The following FA2H variants were observed in gnomAD, a reference collection of about 807,000 sequenced individuals.
The protein encoded by FA2H is fatty acid alpha-hydroxylase.
In FA2H, 22 loss-of-function variants were observed where a neutral mutation model predicts 44.9. The ratio of observed to expected loss-of-function variants is 0.49; its 90% CI spans 0.35 to 0.70. The LOEUF (loss-of-function observed/expected upper bound fraction) is 0.70. Ranked by LOEUF, FA2H falls within the 30% of genes least tolerant of loss-of-function variation. The pLI, the probability that FA2H is intolerant of heterozygous loss-of-function variation, is 0.01. For synonymous variants in FA2H, 243 were observed against 213.2 expected, an observed-to-expected ratio of 1.14 and a Z score of -1.22; for missense variants, 501 against 504.9, an observed-to-expected ratio of 0.99 and a Z score of 0.07.
chr16:74,746,724 G>A (rs944200748), intron 1 of FA2H, among the ~76,000 whole-genome samples: 1 of 152,172 alleles, frequency 6.6e-6, no homozygotes, highest in South Asian at 2.1e-4. Context: ...TGAGAAGGAT[G>A]AGCAGAGACA....
intron 4 of FA2H, among the ~76,000 whole-genome samples, chr16:74,725,010 G>A (rs957094793): frequency 2.6e-5 from 4 of 152,162 alleles, no homozygotes; most frequent in African/African-American, 4.8e-5. Context: ...GGGGAGTGCC[G>A]GGCGGACAGT....
chr16:74,715,336 G>A (rs1240029981), intron 6 of FA2H, among the ~76,000 whole-genome samples: 1 of 152,084 alleles, frequency 6.6e-6, no homozygotes, highest in Non-Finnish European at 1.5e-5. Flanking sequence ...CTGTCACCCA[G>A]GCTGGGGTGC....
At chr16:74,741,808 A>ATATATATATATATATATATATG (rs1491185782) in intron 1 of FA2H, among the ~76,000 whole-genome samples, 3 of 48,412 alleles carry the variant, frequency 6.2e-5, no homozygotes, top group African/African-American at 2.2e-4. Context: ...ATATATATAT[A>ATATATATATATATATATATATG]TGTGTGTGTG....
At chr16:74,749,332 G>C (rs910242198) in intron 1 of FA2H, among the ~76,000 whole-genome samples, 15 of 152,302 alleles carry the variant, frequency 9.8e-5, no homozygotes, top group African/African-American at 3.6e-4. Context: ...TCTGGCAAGT[G>C]AGAAGCCTCA....
At chr16:74,752,570 T>C (rs917055805) in intron 1 of FA2H, among the ~76,000 whole-genome samples, 4 of 152,178 alleles carry the variant, frequency 2.6e-5, no homozygotes, top group Non-Finnish European at 5.9e-5. Context: ...ATTGCATCAC[T>C]TGCTGCCACC....
intron 1 of FA2H, among the ~76,000 whole-genome samples, chr16:74,761,458 A>AAAAGAAAG (rs147015393): frequency 4.2e-4 from 39 of 93,670 alleles, no homozygotes; most frequent in East Asian, 4.1e-3. Flanking sequence ...GTCTCAAAAA[A>AAAAGAAAG]AAAGAAAGAA....
At chr16:74,728,594 T>C (rs1567638000) in intron 2 of FA2H, among the ~76,000 whole-genome samples, 1 of 152,086 alleles carries the variant, frequency 6.6e-6, no homozygotes, top group Non-Finnish European at 1.5e-5. Flanking sequence ...GCTTAGATGA[T>C]AGAACACCCT....
chr16:74,741,806 A>G (rs649615), intron 1 of FA2H, among the ~76,000 whole-genome samples: 3,860 of 59,904 alleles, frequency 0.064, 81 homozygotes, highest in Non-Finnish European at 0.072. Context: ...ATATATATAT[A>G]TATGTGTGTG....
At chr16:74,741,808 A>ATATATATATATATGTGTGTG (rs1491185782) in intron 1 of FA2H, among the ~76,000 whole-genome samples, 26 of 48,392 alleles carry the variant, frequency 5.4e-4, no homozygotes, top group African/African-American at 2.3e-3. Flanking sequence ...ATATATATAT[A>ATATATATATATATGTGTGTG]TGTGTGTGTG....
chr16:74,722,808 G>C (rs1311030502), intron 4 of FA2H, among the ~76,000 whole-genome samples: 2 of 152,098 alleles, frequency 1.3e-5, no homozygotes, highest in Non-Finnish European at 1.5e-5. Context: ...TTACCTGGGA[G>C]GCTGAGGCAG....
rs541199890 is a variant in FA2H at position 74,763,797 on chromosome 16, T to C, written c.270+10689A>G. ...GGTTGCATGGTTCACTCTAAGTATA[T>C]AATGACATACTTTCATGAATGAAAT... is the stretch of plus-strand genomic sequence containing the variant. On this transcript the variant is annotated intron_variant, in intron 1 of 6. Coordinates refer to ENST00000219368, the MANE Select transcript of FA2H (RefSeq NM_024306.5). Among the ~76,000 whole-genome samples, 3 of 152,380 alleles carry C rather than the reference T, an allele frequency of 2.0e-5. No individual in the cohort carries two copies. The South Asian group carries it at 6.2e-4, about 32-fold the overall frequency.
At chr16:74,743,849 C>T (rs1055808504) in intron 1 of FA2H, among the ~76,000 whole-genome samples, 2 of 152,176 alleles carry the variant, frequency 1.3e-5, no homozygotes. Flanking sequence ...GGACACACCT[C>T]CAACATGGGA....
At chr16:74,773,265 A>T (rs1962941588) in intron 1 of FA2H, among the ~76,000 whole-genome samples, 1 of 152,160 alleles carries the variant, frequency 6.6e-6, no homozygotes, top group South Asian at 2.1e-4. Context: ...AATAGCTCTT[A>T]TTACAGTATA....
chr16:74,718,482 C>G (rs1310726321), intron 5 of FA2H, among the ~76,000 whole-genome samples: 1 of 152,166 alleles, frequency 6.6e-6, no homozygotes, highest in Admixed American at 6.5e-5. Flanking sequence ...AGCGCAGACT[C>G]TGGAATCCCC....
chr16:74,745,904 C>T (rs545477318), intron 1 of FA2H, among the ~76,000 whole-genome samples: 8 of 147,006 alleles, frequency 5.4e-5, no homozygotes, highest in Non-Finnish European at 1.0e-4. Flanking sequence ...GTCCTGAGTT[C>T]AAGCAATTCT....
At chr16:74,768,781 A>G (rs1220146629) in intron 1 of FA2H, among the ~76,000 whole-genome samples, 2 of 152,138 alleles carry the variant, frequency 1.3e-5, no homozygotes, top group African/African-American at 4.8e-5. Flanking sequence ...CCAAAGTCTT[A>G]CAGACCCATG....
At chr16:74,752,501 C>T (rs752024141) in intron 1 of FA2H, among the ~76,000 whole-genome samples, 2 of 152,164 alleles carry the variant, frequency 1.3e-5, no homozygotes, top group Non-Finnish European at 2.9e-5. Flanking sequence ...ACCTGCTGTT[C>T]CCTCTGCCTG....
In FA2H at chr16:74,714,204, G is replaced by A; in HGVS notation, c.1105C>T (p.Leu369=). 2 of 1,564,124 alleles carry A rather than the reference G, an allele frequency of 1.3e-6. No individual in the cohort carries two copies. Among genetic ancestry groups the A allele is most frequent in the Non-Finnish European group, 1.7e-6 (2 of 1,153,698 alleles). Residue 369 remains leucine, a synonymous_variant, in exon 7 of 7, where the codon CTG becomes TTG. Coordinates refer to ENST00000219368, the MANE Select transcript of FA2H (RefSeq NM_024306.5). ...GGTGGGAGTTGTCACTGCGTCTTCAGGTGGGGTTTCTCTGGAGTGAGGGTG... is the reference window on the plus strand; with the variant it reads ...GGTGGGAGTTGTCACTGCGTCTTCAAGTGGGGTTTCTCTGGAGTGAGGGTG... The part of the protein sequence containing the change: ...FHTLTPEKPH[L]KTQ
At position 74,719,073 on chromosome 16, in the gene FA2H, T is replaced by G. The variant is rs1961773594; in HGVS notation, c.701A>C (p.His234Pro). 6.2e-7 allele frequency: 1 copy of G among 1,613,746 alleles called. No individual in the cohort carries two copies. Among genetic ancestry groups the G allele is most frequent in the Admixed American group, 1.7e-5 (1 of 59,990 alleles). Residue 234 changes from histidine to proline, a missense_variant, in exon 5 of 7, where the codon CAC becomes CCC. Transcript: ENST00000219368. ...FLWSLIEYLI[H>P]RFLFHMKPPS... ...GGGCTTCATGTGGAACAGGAAGCGG[T>G]GGATGAGGTACTCGATGAGGCTCCA...
Sources: gnomAD v4.1 joint callset for allele counts (sites outside exome capture counted in the v4.1 genomes callset) on GRCh38, gnomAD v4.1.1 for gene constraint, MANE v1.5 for transcripts, NCBI Gene and HGNC (gene_info 2026-07-23, HGNC 2026-07-21) for gene names.